Variants in CRADD observed in about 807,000 individuals in gnomAD.
CRADD encodes the protein CARD and death domain containing adaptor protein, also known as death domain-containing protein CRADD.
CRADD carries 9 observed loss-of-function variants against 15.5 expected under a neutral mutation model. The observed-to-expected ratio is 0.58, with a 90% CI of 0.35 to 1.01. The LOEUF (loss-of-function observed/expected upper bound fraction) is 1.01. CRADD is among the 50% of genes least tolerant of loss of function. The pLI is 0.02. For missense variants in CRADD, 227 were observed against 250.3 expected (o/e 0.91, Z 0.63); for synonymous variants, 118 against 107.6 (o/e 1.10, Z -0.60).
intron 2 of CRADD, among the ~76,000 whole-genome samples, chr12:93,682,199 G>A (rs564295242): frequency 6.6e-6 from 1 of 152,170 alleles, no homozygotes; most frequent in East Asian, 1.9e-4. Context: ...CTAAGACCTC[G>A]GTGCTTCTCC....
rs144948704 is a variant in CRADD, at chr12:93,886,719, C to A, written c.299-7331C>A. Among the ~76,000 whole-genome samples, 124 of 152,308 alleles carry A rather than the reference C, an allele frequency of 8.1e-4. 1 individual carries two copies. The highest frequency in any genetic ancestry group is 2.9e-3 in the African/African-American group (120 of 41,564). On this transcript the variant is annotated intron_variant, in intron 2 of 2. Transcript: ENST00000548483. ...AAGGAACGAAAACAAACAATCCTAT[C>A]ATTTAATAGGAGCTTTAAAAGCTTT...
At chr12:93,717,205 C>T (rs1416593982) in intron 2 of CRADD, among the ~76,000 whole-genome samples, 1 of 152,160 alleles carries the variant, frequency 6.6e-6, no homozygotes, top group African/African-American at 2.4e-5. Context: ...GGTCTTTGGC[C>T]ATTTTTTAAA....
intron 2 of CRADD, among the ~76,000 whole-genome samples, chr12:93,844,756 C>A (rs1038370070): frequency 6.6e-6 from 1 of 152,190 alleles, no homozygotes; most frequent in African/African-American, 2.4e-5. Context: ...AACCCAGCCC[C>A]ACAGGCTCTT....
chr12:93,823,536 T>G (rs1034812567), intron 2 of CRADD, among the ~76,000 whole-genome samples: 6 of 152,232 alleles, frequency 3.9e-5, no homozygotes, highest in Non-Finnish European at 8.8e-5. Flanking sequence ...GGTAGAAAGC[T>G]GTTTTCTTTT....
intron 2 of CRADD, among the ~76,000 whole-genome samples, chr12:93,872,379 C>G (rs1158264513): frequency 6.6e-6 from 1 of 152,134 alleles, no homozygotes; most frequent in African/African-American, 2.4e-5. Flanking sequence ...TTAGCTGTCT[C>G]ATTTGCTGTG....
At chr12:93,724,569 C>T (rs1219817334) in intron 2 of CRADD, among the ~76,000 whole-genome samples, 1 of 152,236 alleles carries the variant, frequency 6.6e-6, no homozygotes, top group East Asian at 1.9e-4. Flanking sequence ...TTTTCAGCTC[C>T]TTAAATACAG....
intron 2 of CRADD, among the ~76,000 whole-genome samples, chr12:93,868,334 T>C (rs535116622): frequency 1.8e-4 from 27 of 152,300 alleles, no homozygotes; most frequent in African/African-American, 5.5e-4. Flanking sequence ...AGGAGATTCA[T>C]TCAAAAGAAA....
rs538082866 is a variant in CRADD at position 93,880,621 on chromosome 12, G to A, written c.299-13429G>A. Among the ~76,000 whole-genome samples, 4 of 152,270 alleles carry A rather than the reference G, an allele frequency of 2.6e-5. No individual in the cohort carries two copies. The South Asian group carries it at 8.3e-4, about 32-fold the overall frequency. On this transcript the variant is annotated intron_variant, in intron 2 of 2. Transcript: ENST00000548483. Reference sequence around the variant, plus strand: ...ACTTTTGAAGCATGTGAATAGAAGAGCATCTCATCCCCTCACTCTCCCCGG... The same window carrying A: ...ACTTTTGAAGCATGTGAATAGAAGAACATCTCATCCCCTCACTCTCCCCGG...
At chr12:93,828,767 T>C (rs922538831) in intron 2 of CRADD, among the ~76,000 whole-genome samples, 2 of 152,258 alleles carry the variant, frequency 1.3e-5, no homozygotes, top group Non-Finnish European at 2.9e-5. Context: ...AGTGTAATTA[T>C]TCCAGCTGCA....
intron 2 of CRADD, among the ~76,000 whole-genome samples, chr12:93,871,722 T>C (rs1958421684): frequency 6.6e-6 from 1 of 152,232 alleles, no homozygotes; most frequent in Non-Finnish European, 1.5e-5. Flanking sequence ...GTTCCATCCA[T>C]GTTGCAAATG....
intron 2 of CRADD, among the ~76,000 whole-genome samples, chr12:93,816,443 T>A (rs1045799907): frequency 6.2e-5 from 9 of 146,254 alleles, no homozygotes; most frequent in African/African-American, 2.3e-4. Flanking sequence ...GTCAGGCTGG[T>A]CTCAAACTCC....
chr12:93,834,833 C>CT (rs1957956535), intron 2 of CRADD, among the ~76,000 whole-genome samples: 1 of 152,192 alleles, frequency 6.6e-6, no homozygotes, highest in Admixed American at 6.5e-5. Flanking sequence ...CAGTACTAAT[C>CT]TTTTTCCTAT....
intron 2 of CRADD, among the ~76,000 whole-genome samples, chr12:93,688,982 A>G (rs1050085772): frequency 6.6e-6 from 1 of 151,954 alleles, no homozygotes; most frequent in Non-Finnish European, 1.5e-5. Flanking sequence ...TCTCTCTCGT[A>G]TCTCTCATTT....
intron 2 of CRADD, among the ~76,000 whole-genome samples, chr12:93,885,008 G>A (rs755543526): frequency 4.6e-5 from 7 of 152,142 alleles, no homozygotes; most frequent in Non-Finnish European, 8.8e-5. Context: ...TCTTCCCTTG[G>A]GTTGGGGGCA....
intron 2 of CRADD, among the ~76,000 whole-genome samples, chr12:93,681,556 T>C (rs958740566): frequency 2.0e-5 from 3 of 152,204 alleles, no homozygotes; most frequent in Admixed American, 2.0e-4. Flanking sequence ...TAAAAAAGAC[T>C]TGTATTTATT....
intron 2 of CRADD, among the ~76,000 whole-genome samples, chr12:93,729,834 A>G (rs1379472380): frequency 6.6e-6 from 1 of 152,096 alleles, no homozygotes; most frequent in Non-Finnish European, 1.5e-5. Flanking sequence ...ATTACAAAGA[A>G]CACCATAATA....
At chr12:93,823,591 G>A (rs1222591497) in intron 2 of CRADD, among the ~76,000 whole-genome samples, 1 of 152,198 alleles carries the variant, frequency 6.6e-6, no homozygotes, top group African/African-American at 2.4e-5. Context: ...GCCAAAGAAT[G>A]TTCATTCACT....
intron 2 of CRADD, among the ~76,000 whole-genome samples, chr12:93,869,164 T>C (rs2137064964): frequency 6.6e-6 from 1 of 152,224 alleles, no homozygotes; most frequent in African/African-American, 2.4e-5. Flanking sequence ...GATATAAGGA[T>C]CATATCCCAA....
intron 2 of CRADD, among the ~76,000 whole-genome samples, chr12:93,763,653 A>C (rs1052984398): frequency 6.6e-6 from 1 of 151,604 alleles, no homozygotes; most frequent in African/African-American, 2.4e-5. Context: ...AGTATTACCT[A>C]CTTTTAAATG....
Sources: allele counts gnomAD v4.1 joint callset (sites outside exome capture counted in the v4.1 genomes callset), GRCh38; gene constraint gnomAD v4.1.1; transcripts MANE v1.5; gene names NCBI Gene and HGNC (gene_info 2026-07-23, HGNC 2026-07-21).